LRCH3: variants seen among roughly 807,000 people sequenced by gnomAD.
LRCH3 encodes the protein DISP complex protein LRCH3.
Under a neutral mutation model 104.5 loss-of-function variants are expected in LRCH3, and 68 were observed. The observed-to-expected ratio is 0.65, with a 90% CI of 0.54 to 0.80. LRCH3 has a LOEUF of 0.80. Ranked by LOEUF, LRCH3 falls within the 30% of genes least tolerant of loss-of-function variation. The probability of loss-of-function intolerance (pLI) is 0.00; values close to 1 mark genes in which losing one functional copy is unlikely to be tolerated. For synonymous variants in LRCH3, 344 were observed against 361.3 expected, an observed-to-expected ratio of 0.95 and a Z score of 0.54; for missense variants, 951 against 953.9, an observed-to-expected ratio of 1.00 and a Z score of 0.04.
rs1740021017 is a variant in LRCH3, at chr3:197,854,572, A to T, written c.1644+127A>T. The T allele has an allele frequency of 3.3e-6, 3 of 912,262 alleles. No homozygotes were observed. The South Asian group carries it at 4.3e-5, about 13-fold the overall frequency. 56.5% of individuals were successfully genotyped at this position (912,262 alleles called of 1,614,324 possible). A position where few individuals can be genotyped will look rare whatever the true frequency, so the allele number is the denominator to read the frequency against. On this transcript the variant is annotated intron_variant, in intron 14 of 20. Transcript: ENST00000425562. This position sits in a 1 kb window ranked among gnomAD's most constrained non-coding sequence, Gnocchi z 4.5. ...TACTAAATGCTTTATGAAGAACTAA[A>T]CCATTTTCCCACATGACCATTTGTG...
Position 197,854,541 on chromosome 3 carries a change from C to A in LRCH3, c.1644+96C>A. On this transcript the variant is annotated intron_variant, in intron 14 of 20. Transcript: ENST00000425562. This position sits in a 1 kb window ranked among gnomAD's most constrained non-coding sequence, Gnocchi z 4.5. Reference sequence around the variant, plus strand: ...TCTAAATACCATAAAACATGATGAACATCATTACTAAATGCTTTATGAAGA... The same window carrying A: ...TCTAAATACCATAAAACATGATGAAAATCATTACTAAATGCTTTATGAAGA... 8.8e-7 allele frequency: 1 copy of A among 1,136,968 alleles called. No homozygotes were observed. The allele number at this position is 1,136,968 out of a possible 1,614,324, so 70.4% of individuals were successfully genotyped here.
At chr3:197,876,878 A>T in intron 20 of LRCH3, among the ~76,000 whole-genome samples, 1 of 51,730 alleles carries the variant, frequency 1.9e-5, no homozygotes. Flanking sequence ...CGCACCCATG[A>T]CAGTGATTCT....
chr3:197,817,160 C>G lies in LRCH3; in HGVS notation c.408-16C>G. The stretch of plus-strand genomic sequence containing the variant: ...GGTGGACTCTGATTCTTCTCTCTTT[C>G]TACTTACCCATTTAGTCGGAACCAA... On this transcript the variant is annotated splice_polypyrimidine_tract_variant and intron_variant, in intron 2 of 20. Coordinates refer to ENST00000425562, the MANE Select transcript of LRCH3 (RefSeq NM_001365715.1). 6.3e-7 allele frequency: 1 copy of G among 1,585,816 alleles called. No individual in the cohort carries two copies. The highest frequency in any genetic ancestry group is 2.4e-5 in the East Asian group (1 of 42,552).
At position 197,884,882 on chromosome 3, in the gene LRCH3, G is replaced by C. The variant is rs570009346; in HGVS notation, c.*1216G>C. On this transcript the variant is annotated 3_prime_UTR_variant, in exon 21 of 21. Transcript: ENST00000425562. ...CCCGCCTCAGCCTCCCAAAGTGCTG[G>C]GATTACTGGAGTGAGCCATCGGGCC... 3 of 152,248 alleles carry C rather than the reference G, an allele frequency of 2.0e-5. No individual in the cohort carries two copies. The highest frequency in any genetic ancestry group is 2.9e-5 in the Non-Finnish European group (2 of 68,132). The allele number at this position is 152,248 out of a possible 1,614,324, so 9.4% of individuals were successfully genotyped here. A position where few individuals can be genotyped will look rare whatever the true frequency, so the allele number is the denominator to read the frequency against.
intron 20 of LRCH3, among the ~76,000 whole-genome samples, chr3:197,879,430 A>G (rs1021031070): frequency 1.3e-5 from 2 of 151,450 alleles, no homozygotes; most frequent in African/African-American, 2.4e-5. Flanking sequence ...GCGGATCACG[A>G]GGTCAGGAGA....
chr3:197,821,180 C>G (rs1054815400), intron 4 of LRCH3, among the ~76,000 whole-genome samples: 1 of 152,062 alleles, frequency 6.6e-6, no homozygotes, highest in East Asian at 1.9e-4. Flanking sequence ...TGAACTTAAC[C>G]GGTCACTGGA....
At chr3:197,809,732 T>C (rs1292154974) in intron 1 of LRCH3, among the ~76,000 whole-genome samples, 1 of 152,154 alleles carries the variant, frequency 6.6e-6, no homozygotes, top group Non-Finnish European at 1.5e-5. Context: ...TTTGTTTGTT[T>C]CCCCTTCATA....
chr3:197,870,372 TTA>T lies in LRCH3; in HGVS notation c.1992+96_1992+97del, dbSNP rs1432804330. 1.8e-4 allele frequency: 235 copies of T among 1,277,020 alleles called. 1 individual carries two copies. The African/African-American group carries it at 3.0e-3, about 16-fold the overall frequency. 79.1% of individuals were successfully genotyped at this position (1,277,020 alleles called of 1,614,324 possible). A position where few individuals can be genotyped will look rare whatever the true frequency, so the allele number is the denominator to read the frequency against. On this transcript the variant is annotated intron_variant, in intron 18 of 20. Transcript: ENST00000425562. ...TCTTCATTTGACACATCATTTTTAT[TTA>T]TTTTTTTTTTAGACGGAGTCTCACT...
chr3:197,835,850 G>T (rs1191933929), intron 9 of LRCH3, 28 bp downstream of exon 9: 1 of 1,606,296 alleles, frequency 6.2e-7, no homozygotes, highest in African/African-American at 1.3e-5. Flanking sequence ...GCCTAAATAT[G>T]TTGCTATCCC....
intron 11 of LRCH3, 30 bp downstream of exon 11, chr3:197,847,490 C>T: frequency 6.4e-7 from 1 of 1,553,052 alleles, no homozygotes; most frequent in Non-Finnish European, 8.7e-7. Flanking sequence ...TTTATTTTTG[C>T]TTTTTAAACT....
At chr3:197,841,619 A>G (rs1416456466) in intron 10 of LRCH3, among the ~76,000 whole-genome samples, 1 of 152,168 alleles carries the variant, frequency 6.6e-6, no homozygotes, top group African/African-American at 2.4e-5. Context: ...AAGTCTGCCT[A>G]CCGCATCTTA....
chr3:197,833,688 A>G (rs1032381383), intron 8 of LRCH3, among the ~76,000 whole-genome samples: 3 of 152,226 alleles, frequency 2.0e-5, no homozygotes, highest in Non-Finnish European at 4.4e-5. Context: ...TAGACATATT[A>G]GACAATGTAA....
intron 4 of LRCH3, among the ~76,000 whole-genome samples, chr3:197,825,703 T>C (rs1298504309): frequency 6.6e-6 from 1 of 151,726 alleles, no homozygotes; most frequent in Non-Finnish European, 1.5e-5. Context: ...ATGGTCTCGA[T>C]CTCCTGACCT....
rs1714312488 is a variant in LRCH3 at position 197,887,542 on chromosome 3, TGA to T, written c.*3880_*3881del. 27 of 131,586 alleles carry T rather than the reference TGA, an allele frequency of 2.1e-4. 2 individuals carry two copies. In the Admixed American group the frequency reaches 2.1e-3, roughly 10 times the overall value. 8.2% of individuals were successfully genotyped at this position (131,586 alleles called of 1,614,324 possible). A position where few individuals can be genotyped will look rare whatever the true frequency, so the allele number is the denominator to read the frequency against. On this transcript the variant is annotated 3_prime_UTR_variant, in exon 21 of 21. Coordinates refer to ENST00000425562, the MANE Select transcript of LRCH3 (RefSeq NM_001365715.1). Reference sequence around the variant, plus strand: ...CCCATCACTGAACAGTGTTGGCGGCTGAGAGCCCCCCAGCAGAGCCCTTCCCA... The same window carrying T: ...CCCATCACTGAACAGTGTTGGCGGCTGAGCCCCCCAGCAGAGCCCTTCCCA...
At chr3:197,873,749 A>T (rs1712522798) in intron 19 of LRCH3, among the ~76,000 whole-genome samples, 1 of 152,100 alleles carries the variant, frequency 6.6e-6, no homozygotes, top group Non-Finnish European at 1.5e-5. Context: ...AGGGCCAGGC[A>T]CAGTGGCTCT....
intron 4 of LRCH3, among the ~76,000 whole-genome samples, chr3:197,821,011 C>T (rs915662488): frequency 6.6e-5 from 10 of 152,020 alleles, no homozygotes; most frequent in Non-Finnish European, 1.2e-4. Flanking sequence ...ATTTTTAGAT[C>T]TTGTCAACCG....
At chr3:197,861,328 A>G (rs1031370771) in intron 15 of LRCH3, among the ~76,000 whole-genome samples, 2 of 152,170 alleles carry the variant, frequency 1.3e-5, no homozygotes, top group African/African-American at 4.8e-5. Flanking sequence ...CTTTTTTTCA[A>G]AATGATCTCA....
intron 3 of LRCH3, among the ~76,000 whole-genome samples, chr3:197,819,279 A>T (rs534259965): frequency 5.3e-5 from 8 of 151,608 alleles, no homozygotes; most frequent in Non-Finnish European, 1.2e-4. Flanking sequence ...ATTTTCTGAG[A>T]GATTATACAT....
chr3:197,868,461 C>A lies in LRCH3; in HGVS notation c.1874-1699C>A, dbSNP rs374945970. Among the ~76,000 whole-genome samples the A allele has an allele frequency of 2.6e-5, 4 of 152,236 alleles. No individual in the cohort carries two copies. In the East Asian group the frequency reaches 7.7e-4, roughly 29 times the overall value. ...GAGGTGGTTTCTGGAACTAATTTCC[C>A]CTGGATACTGACGGATGACTGTGTA... On this transcript the variant is annotated intron_variant, in intron 17 of 20. Coordinates refer to ENST00000425562, the MANE Select transcript of LRCH3 (RefSeq NM_001365715.1).
Sources: allele counts gnomAD v4.1 joint callset (sites outside exome capture counted in the v4.1 genomes callset), GRCh38; gene constraint gnomAD v4.1.1; non-coding constraint Gnocchi (gnomAD v3.1); transcripts MANE v1.5; gene names NCBI Gene and HGNC (gene_info 2026-07-23, HGNC 2026-07-21).